Variants in ST8SIA1 observed in about 807,000 individuals in gnomAD.
The protein encoded by ST8SIA1 is ST8 alpha-N-acetyl-neuraminide alpha-2,8-sialyltransferase 1.
Under a neutral mutation model 35.9 loss-of-function variants are expected in ST8SIA1, and 16 were observed. That is an observed-to-expected ratio of 0.45 (90% CI 0.30 to 0.68). The LOEUF is 0.68. ST8SIA1 is among the 30% of genes least tolerant of loss of function. The pLI is 0.09. For synonymous variants in ST8SIA1, 170 were observed against 169.6 expected, an observed-to-expected ratio of 1.00 and a Z score of -0.02; for missense variants, 383 against 453.6, an observed-to-expected ratio of 0.84 and a Z score of 1.41.
intron 2 of ST8SIA1, among the ~76,000 whole-genome samples, chr12:22,273,131 C>A (rs1038089758): frequency 6.6e-6 from 1 of 152,132 alleles, no homozygotes; most frequent in Non-Finnish European, 1.5e-5. Context: ...TAGACACGGG[C>A]AGGTCCTGGC....
chr12:22,289,332 G>C (rs1866146665), intron 1 of ST8SIA1, among the ~76,000 whole-genome samples: 1 of 152,004 alleles, frequency 6.6e-6, no homozygotes, highest in Admixed American at 6.5e-5. Context: ...ATTCTCATCT[G>C]AGGAAACAGG....
At chr12:22,278,890 T>C (rs1339840954) in intron 2 of ST8SIA1, among the ~76,000 whole-genome samples, 1 of 152,206 alleles carries the variant, frequency 6.6e-6, no homozygotes, top group Non-Finnish European at 1.5e-5. Context: ...TGTTGACCCA[T>C]GCCCATCTAT....
chr12:22,283,272 A>G (rs1170329505), intron 2 of ST8SIA1, among the ~76,000 whole-genome samples: 3 of 152,180 alleles, frequency 2.0e-5, no homozygotes. Context: ...TTTTTATAAT[A>G]CCAAAAGGAA....
At chr12:22,314,370 T>C (rs993636235) in intron 1 of ST8SIA1, among the ~76,000 whole-genome samples, 6 of 151,884 alleles carry the variant, frequency 4.0e-5, no homozygotes, top group African/African-American at 1.5e-4. Flanking sequence ...CCTCAACGTA[T>C]GCCATCATGG....
intron 3 of ST8SIA1, among the ~76,000 whole-genome samples, chr12:22,250,349 C>A (rs1315695950): frequency 6.6e-6 from 1 of 152,092 alleles, no homozygotes; most frequent in Non-Finnish European, 1.5e-5. Context: ...AAAAATTCCC[C>A]AACCTTGATG....
At chr12:22,211,027 G>T (rs1342026252) in intron 4 of ST8SIA1, among the ~76,000 whole-genome samples, 1 of 152,176 alleles carries the variant, frequency 6.6e-6, no homozygotes, top group South Asian at 2.1e-4. Flanking sequence ...CAGCAGCTTG[G>T]AGTTTCTCTG....
intron 4 of ST8SIA1, among the ~76,000 whole-genome samples, chr12:22,214,409 G>T (rs1295880114): frequency 6.6e-6 from 1 of 152,038 alleles, no homozygotes; most frequent in Non-Finnish European, 1.5e-5. Flanking sequence ...ATCATGGGTT[G>T]TCTACAAAGG....
intron 3 of ST8SIA1, among the ~76,000 whole-genome samples, chr12:22,252,674 T>C (rs1865687254): frequency 1.3e-5 from 2 of 152,218 alleles, no homozygotes; most frequent in African/African-American, 4.8e-5. Context: ...AAGCGTTCAT[T>C]AATTCTGAAC....
chr12:22,222,422 A>G (rs1865310155), intron 4 of ST8SIA1, among the ~76,000 whole-genome samples: 1 of 152,212 alleles, frequency 6.6e-6, no homozygotes, highest in East Asian at 1.9e-4. Context: ...GAAAATCTCT[A>G]ATTTTCCAGA....
At chr12:22,268,929 A>G (rs1363447731) in intron 2 of ST8SIA1, among the ~76,000 whole-genome samples, 2 of 152,192 alleles carry the variant, frequency 1.3e-5, no homozygotes, top group African/African-American at 4.8e-5. Flanking sequence ...GTGATACTAA[A>G]AATCCAGGTA....
At chr12:22,323,919 A>T (rs564748308) in intron 1 of ST8SIA1, among the ~76,000 whole-genome samples, 102 of 152,308 alleles carry the variant, frequency 6.7e-4, no homozygotes, top group African/African-American at 2.3e-3. Context: ...TACCTGGGTA[A>T]TGGGATGATC....
chr12:22,286,168 C>T (rs1866099079), intron 2 of ST8SIA1, among the ~76,000 whole-genome samples: 1 of 152,144 alleles, frequency 6.6e-6, no homozygotes, highest in Non-Finnish European at 1.5e-5. Context: ...GCTTCTACTT[C>T]TTATTTCAAA....
chr12:22,300,937 G>T (rs550097148), intron 1 of ST8SIA1, among the ~76,000 whole-genome samples: 1 of 152,006 alleles, frequency 6.6e-6, no homozygotes, highest in Admixed American at 6.6e-5. Context: ...ATGGTGTTTG[G>T]TTTTCTTTGG....
At chr12:22,304,646 C>T (rs929089239) in intron 1 of ST8SIA1, among the ~76,000 whole-genome samples, 4 of 152,122 alleles carry the variant, frequency 2.6e-5, no homozygotes, top group African/African-American at 9.7e-5. Context: ...AGGCTACTCT[C>T]AGGTTTTTAG....
At chr12:22,251,685 C>A (rs1865671956) in intron 3 of ST8SIA1, among the ~76,000 whole-genome samples, 1 of 152,100 alleles carries the variant, frequency 6.6e-6, no homozygotes, top group African/African-American at 2.4e-5. Flanking sequence ...TAAAATGTTT[C>A]AAAGTTTGCA....
intron 4 of ST8SIA1, among the ~76,000 whole-genome samples, chr12:22,203,179 CA>C (rs981232492): frequency 1.3e-4 from 19 of 151,628 alleles, no homozygotes; most frequent in Non-Finnish European, 2.4e-4. Context: ...CTAATACACT[CA>C]AGTTAAAAAA....
At chr12:22,273,599 A>G (rs1272882174) in intron 2 of ST8SIA1, among the ~76,000 whole-genome samples, 6 of 152,130 alleles carry the variant, frequency 3.9e-5, no homozygotes, top group Admixed American at 2.6e-4. Flanking sequence ...ATCCCTCATC[A>G]TTATGTTGAC....
intron 2 of ST8SIA1, among the ~76,000 whole-genome samples, chr12:22,264,529 T>C (rs1865825285): frequency 6.6e-6 from 1 of 152,224 alleles, no homozygotes; most frequent in East Asian, 1.9e-4. Flanking sequence ...GTCATTTAAC[T>C]AGCCCCTTGG....
intron 1 of ST8SIA1, among the ~76,000 whole-genome samples, chr12:22,305,535 T>A (rs779134795): frequency 1.3e-5 from 2 of 151,908 alleles, no homozygotes; most frequent in Non-Finnish European, 2.9e-5. Context: ...CGCCCACTAC[T>A]ATGCCCAGAT....
Sources: gnomAD v4.1 joint callset for allele counts (sites outside exome capture counted in the v4.1 genomes callset) on GRCh38, gnomAD v4.1.1 for gene constraint, MANE v1.5 for transcripts, NCBI Gene and HGNC (gene_info 2026-07-23, HGNC 2026-07-21) for gene names.